NF1: variants seen among roughly 807,000 people sequenced by gnomAD.
NF1 encodes the protein neurofibromin.
Under a neutral mutation model 325.7 loss-of-function variants are expected in NF1, and 122 were observed. The ratio of observed to expected loss-of-function variants is 0.37; its 90% CI spans 0.32 to 0.44. The LOEUF (loss-of-function observed/expected upper bound fraction) is 0.44, where lower values mean the gene tolerates loss of function less well. Ranked by LOEUF, NF1 falls within the 20% of genes least tolerant of loss-of-function variation. NF1 has a pLI of 1.00. For synonymous variants in NF1, 1,091 were observed against 1,186.0 expected (o/e 0.92, Z 1.65); for missense variants, 2,140 against 3,415.4 (o/e 0.63, Z 9.31).
At chr17:31,372,357 A>G (rs1233768565) in intron 57 of NF1, among the ~76,000 whole-genome samples, 1 of 152,206 alleles carries the variant, frequency 6.6e-6, no homozygotes, top group Non-Finnish European at 1.5e-5. Context: ...TTTGATACAA[A>G]TTACTAAAAC....
intron 36 of NF1, among the ~76,000 whole-genome samples, chr17:31,266,182 A>G (rs1415258622): frequency 6.6e-6 from 1 of 152,160 alleles, no homozygotes; most frequent in Non-Finnish European, 1.5e-5. Flanking sequence ...CCTGAATTTA[A>G]CAGTATTTAA....
At chr17:31,349,576 A>G (rs373378901) in intron 49 of NF1, among the ~76,000 whole-genome samples, 55 of 152,260 alleles carry the variant, frequency 3.6e-4, no homozygotes, top group Middle Eastern at 3.4e-3. Context: ...CAGTTCTGTT[A>G]TCTTTCTCTA....
At chr17:31,164,657 A>G (rs977938192) in intron 4 of NF1, among the ~76,000 whole-genome samples, 2 of 152,192 alleles carry the variant, frequency 1.3e-5, no homozygotes, top group Non-Finnish European at 2.9e-5. Flanking sequence ...GACAACATAC[A>G]TCACCATTTG....
chr17:31,356,143 T>G (rs770827127), intron 51 of NF1: 4 of 293,364 alleles, frequency 1.4e-5, no homozygotes, highest in Non-Finnish European at 2.6e-5. Context: ...TGCCTACCAT[T>G]GCATTTATTA....
chr17:31,243,961 G>T (rs1327005156), intron 29 of NF1, among the ~76,000 whole-genome samples: 1 of 151,978 alleles, frequency 6.6e-6, no homozygotes, highest in East Asian at 1.9e-4. Context: ...CTCACCCAAG[G>T]CCCACAGCAA....
rs1027017722 is a variant in NF1 at position 31,336,110 on chromosome 17, A to G, written c.6007-223A>G. ...AGAGATTTAAAATTTTTGAATACCAATCTCTTAATCTCTGAAGGAGTCAAA... is the reference window on the plus strand; with the variant it reads ...AGAGATTTAAAATTTTTGAATACCAGTCTCTTAATCTCTGAAGGAGTCAAA... On this transcript the variant is annotated intron_variant, in intron 40 of 57. Transcript: ENST00000358273. The surrounding 1 kb of genome is among the most constrained non-coding windows in gnomAD (Gnocchi z 5.5). Among the ~76,000 whole-genome samples the G allele has an allele frequency of 6.6e-6, 1 of 152,120 alleles. No homozygotes were observed. The highest frequency in any genetic ancestry group is 2.4e-5 in the African/African-American group (1 of 41,420).
rs9913438 is a variant in NF1 at position 31,303,262 on chromosome 17, G to C, written c.4836-22558G>C. On this transcript the variant is annotated intron_variant, in intron 36 of 57. Coordinates refer to ENST00000358273, the MANE Select transcript of NF1 (RefSeq NM_001042492.3). The stretch of plus-strand genomic sequence containing the variant: ...GCTTGTTGGGCAAAGGAGCACTTCT[G>C]CAGACAAAGGCTGGCATCCCCAAAA... Among the ~76,000 whole-genome samples the C allele has an allele frequency of 7.6e-3, 1,161 of 152,270 alleles. 19 individuals are homozygous for C. The highest frequency in any genetic ancestry group is 0.027 in the African/African-American group (1,117 of 41,548).
intron 2 of NF1, among the ~76,000 whole-genome samples, chr17:31,156,642 G>A (rs2065668127): frequency 6.6e-6 from 1 of 152,120 alleles, no homozygotes; most frequent in African/African-American, 2.4e-5. Context: ...AGATTCTGTA[G>A]TAGTTACCCT....
At chr17:31,341,334 G>T (rs953187086) in intron 47 of NF1, among the ~76,000 whole-genome samples, 2 of 152,010 alleles carry the variant, frequency 1.3e-5, no homozygotes, top group African/African-American at 4.8e-5. Context: ...AGAACAGCCT[G>T]GGCAACTTGC....
intron 36 of NF1, chr17:31,295,780 T>C (rs1156490089): frequency 3.7e-6 from 6 of 1,614,090 alleles, no homozygotes; most frequent in Non-Finnish European, 5.1e-6. Context: ...TTAATGTACC[T>C]GGAAGAATTT....
At chr17:31,139,406 A>ACT (rs1342652675) in intron 1 of NF1, among the ~76,000 whole-genome samples, 1 of 151,568 alleles carries the variant, frequency 6.6e-6, no homozygotes, top group Non-Finnish European at 1.5e-5. Context: ...ACACACACAC[A>ACT]CACACACGGT....
intron 32 of NF1, among the ~76,000 whole-genome samples, chr17:31,258,719 T>C (rs1465185968): frequency 6.6e-6 from 1 of 152,154 alleles, no homozygotes; most frequent in Non-Finnish European, 1.5e-5. Flanking sequence ...GCAGATGTCT[T>C]GTGTTATGAA....
intron 1 of NF1, among the ~76,000 whole-genome samples, chr17:31,124,592 A>ATTTTTT (rs35335433): frequency 2.1e-4 from 13 of 62,944 alleles, no homozygotes; most frequent in Non-Finnish European, 3.5e-4. Flanking sequence ...GTATTCTTGA[A>ATTTTTT]TTTTTTTTTT....
intron 36 of NF1, chr17:31,294,888 T>C: frequency 7.6e-7 from 1 of 1,313,600 alleles, no homozygotes; most frequent in Non-Finnish European, 1.1e-6. Context: ...GAGTTAGAAA[T>C]GTTAAGACTG....
rs1237311528 is a variant in NF1, at chr17:31,219,238, T to A, written c.1641+120T>A. The A allele has an allele frequency of 3.9e-6, 4 of 1,032,038 alleles. No individual in the cohort carries two copies. The African/African-American group carries it at 6.4e-5, about 16-fold the overall frequency. The allele number at this position is 1,032,038 out of a possible 1,614,324, so 63.9% of individuals were successfully genotyped here. On this transcript the variant is annotated intron_variant, in intron 14 of 57. Transcript: ENST00000358273. Reference sequence around the variant, plus strand: ...GTAGATGTCATTTCTGGAAATGGTATGTTTATGTCTATACATTGTTTTATA... The same window carrying A: ...GTAGATGTCATTTCTGGAAATGGTAAGTTTATGTCTATACATTGTTTTATA...
At chr17:31,228,176 A>G (rs112316418) in intron 20 of NF1, among the ~76,000 whole-genome samples, 12 of 152,348 alleles carry the variant, frequency 7.9e-5, no homozygotes, top group African/African-American at 2.6e-4. Flanking sequence ...TGGACAGTTC[A>G]TTCAACTATT....
intron 12 of NF1, among the ~76,000 whole-genome samples, chr17:31,213,523 C>T (rs1284407455): frequency 6.6e-6 from 1 of 152,032 alleles, no homozygotes; most frequent in Non-Finnish European, 1.5e-5. Flanking sequence ...GGTACACAGT[C>T]TTGTTATTTC....
chr17:31,140,477 A>G (rs1458594446), intron 1 of NF1, among the ~76,000 whole-genome samples: 1 of 152,242 alleles, frequency 6.6e-6, no homozygotes, highest in Non-Finnish European at 1.5e-5. Flanking sequence ...TTATAAAGAC[A>G]AAAATTTCGT....
chr17:31,358,842 C>T, intron 55 of NF1, 127 bp from the exon 56 acceptor site: 5 of 1,074,486 alleles, frequency 4.7e-6, no homozygotes, highest in Middle Eastern at 2.7e-4. Context: ...CTTTGACACT[C>T]ATTCTAAAAA....
Sources: allele counts gnomAD v4.1 joint callset (sites outside exome capture counted in the v4.1 genomes callset), GRCh38; gene constraint gnomAD v4.1.1; non-coding constraint Gnocchi (gnomAD v3.1); transcripts MANE v1.5; gene names NCBI Gene and HGNC (gene_info 2026-07-23, HGNC 2026-07-21).